DCDC2C: variants seen among roughly 807,000 people sequenced by gnomAD.
DCDC2C encodes the protein doublecortin domain-containing protein 2C.
Under a neutral mutation model 45.0 loss-of-function variants are expected in DCDC2C, and 44 were observed. The observed-to-expected ratio is 0.98, with a 90% CI of 0.77 to 1.26. The LOEUF is 1.26. Ranked by LOEUF, DCDC2C falls within the 50% of genes most tolerant of loss-of-function variation. The pLI, the probability that DCDC2C is intolerant of heterozygous loss-of-function variation, is 0.00. For synonymous variants in DCDC2C, 187 were observed against 178.8 expected, an observed-to-expected ratio of 1.05 and a Z score of -0.37; for missense variants, 447 against 468.9, an observed-to-expected ratio of 0.95 and a Z score of 0.43.
intron 6 of DCDC2C, among the ~76,000 whole-genome samples, chr2:3,759,094 A>T (rs979406456): frequency 2.0e-5 from 3 of 152,294 alleles, no homozygotes; most frequent in Admixed American, 2.0e-4. Flanking sequence ...CAGCACCAAA[A>T]TGTGCAGTTC....
chr2:3,715,915 G>A (rs1668340319), intron 2 of DCDC2C, among the ~76,000 whole-genome samples: 1 of 152,126 alleles, frequency 6.6e-6, no homozygotes, highest in Admixed American at 6.6e-5. Flanking sequence ...TTTGATTTTA[G>A]GATGACCAGG....
chr2:3,763,342 G>A lies in DCDC2C; in HGVS notation c.727-4412G>A, dbSNP rs371341137. Among the ~76,000 whole-genome samples, 31 of 152,256 alleles carry A rather than the reference G, an allele frequency of 2.0e-4. No individual in the cohort carries two copies. In the South Asian group the frequency reaches 3.1e-3, roughly 15 times the overall value. On this transcript the variant is annotated intron_variant, in intron 6 of 10. Transcript: ENST00000399143. ...CACACAGCTGACGTGGTGGGCCCGC[G>A]ACCCAGCGCTGGTGAGCGCGGCTCG...
intron 10 of DCDC2C, among the ~76,000 whole-genome samples, chr2:3,841,257 A>G (rs1386292992): frequency 2.0e-5 from 3 of 152,272 alleles, no homozygotes; most frequent in Admixed American, 6.5e-5. Context: ...TTGCAGGTTG[A>G]GTTCTGAAAG....
At chr2:3,762,018 C>G (rs1348763380) in intron 6 of DCDC2C, among the ~76,000 whole-genome samples, 2 of 152,144 alleles carry the variant, frequency 1.3e-5, no homozygotes, top group East Asian at 3.8e-4. Context: ...CGGTACCTGT[C>G]CCCTTTGTAA....
intron 10 of DCDC2C, among the ~76,000 whole-genome samples, chr2:3,794,138 A>C (rs549106991): frequency 6.6e-6 from 1 of 152,320 alleles, no homozygotes; most frequent in South Asian, 2.1e-4. Flanking sequence ...CCCATGCAGC[A>C]TTTTACAACA....
chr2:3,728,181 C>T (rs746292910), intron 3 of DCDC2C, among the ~76,000 whole-genome samples: 3 of 152,120 alleles, frequency 2.0e-5, no homozygotes, highest in African/African-American at 4.8e-5. Context: ...CTGATTCACC[C>T]GACAGATCCT....
At chr2:3,742,877 T>C (rs1376174899) in intron 4 of DCDC2C, among the ~76,000 whole-genome samples, 1 of 152,186 alleles carries the variant, frequency 6.6e-6, no homozygotes, top group African/African-American at 2.4e-5. Context: ...GGCAAGGGGC[T>C]TGCTGTCTTG....
intron 3 of DCDC2C, among the ~76,000 whole-genome samples, chr2:3,731,947 C>T (rs1668880920): frequency 6.6e-6 from 1 of 152,022 alleles, no homozygotes. Flanking sequence ...TATGATGAGG[C>T]CATTATGAAG....
At position 3,799,065 on chromosome 2, in the gene DCDC2C, T is replaced by C. The variant is rs1208745509; in HGVS notation, c.1065+13965T>C. 3.9e-5 allele frequency among the ~76,000 whole-genome samples: 6 copies of C among 152,140 alleles called. 1 individual carries two copies. Among genetic ancestry groups the C allele is most frequent in the Admixed American group, 1.3e-4 (2 of 15,270 alleles). ...TCGCATATTTCTTGGAGGCTTTGCT[T>C]GTTTCTTTTTATTCTTTTTTCTCTA... On this transcript the variant is annotated intron_variant, in intron 10 of 10. Coordinates refer to ENST00000399143, the MANE Select transcript of DCDC2C (RefSeq NM_001287444.2).
intron 6 of DCDC2C, among the ~76,000 whole-genome samples, chr2:3,755,121 ACATGTGTGTGGAGG>A (rs1215477149): frequency 1.3e-5 from 2 of 151,964 alleles, no homozygotes; most frequent in African/African-American, 2.4e-5. Flanking sequence ...GTGTATAAAT[ACATGTGTGTGGAGG>A]CATGTGTGTG....
rs1215404533 is a variant in DCDC2C at position 3,734,944 on chromosome 2, A to AAG, written c.417-6971_417-6970dup. Among the ~76,000 whole-genome samples the AAG allele has an allele frequency of 1.3e-5, 2 of 152,138 alleles. No individual in the cohort carries two copies. Among genetic ancestry groups the AAG allele is most frequent in the African/African-American group, 4.8e-5 (2 of 41,448 alleles). On this transcript the variant is annotated intron_variant, in intron 3 of 10. Coordinates refer to ENST00000399143, the MANE Select transcript of DCDC2C (RefSeq NM_001287444.2). The surrounding 1 kb of genome is among the most constrained non-coding windows in gnomAD (Gnocchi z 4.2). ...GGGATGACTCCCTTATCGTGGCCTA[A>AAG]AGAGAGGAGGCAATTGGAGAGAAAT...
At chr2:3,768,579 T>A (rs1255965069) in intron 7 of DCDC2C, among the ~76,000 whole-genome samples, 1 of 152,178 alleles carries the variant, frequency 6.6e-6, no homozygotes, top group Non-Finnish European at 1.5e-5. Context: ...GGCTTCTTCT[T>A]TTCTTTTATT....
chr2:3,755,567 CTA>C lies in DCDC2C; in HGVS notation c.726+935_726+936del, dbSNP rs200920062. Among the ~76,000 whole-genome samples the C allele has an allele frequency of 1.5e-3, 230 of 150,494 alleles. 2 individuals are homozygous for C. The highest frequency in any genetic ancestry group is 8.6e-3 in the Admixed American group (130 of 15,140). On this transcript the variant is annotated intron_variant, in intron 6 of 10. Transcript: ENST00000399143. ...TAGGGATGTATGTGTGTGCATATGACTATGTGTGTGTACATATGGATGTATAT... is the reference window on the plus strand; with the variant it reads ...TAGGGATGTATGTGTGTGCATATGACTGTGTGTGTACATATGGATGTATAT...
chr2:3,822,864 G>T (rs1671727075), intron 10 of DCDC2C, among the ~76,000 whole-genome samples: 1 of 151,986 alleles, frequency 6.6e-6, no homozygotes, highest in South Asian at 2.1e-4. Flanking sequence ...GAATCATAAG[G>T]GGTGGGTCTT....
At chr2:3,770,504 A>T (rs1316781694) in intron 8 of DCDC2C, among the ~76,000 whole-genome samples, 1 of 152,186 alleles carries the variant, frequency 6.6e-6, no homozygotes, top group Non-Finnish European at 1.5e-5. Flanking sequence ...AATTTCTAGT[A>T]ATATTATTTT....
intron 10 of DCDC2C, among the ~76,000 whole-genome samples, chr2:3,831,333 C>T (rs13408015): frequency 0.38 from 57,679 of 151,990 alleles, 11,298 homozygotes; most frequent in African/African-American, 0.48. Context: ...CGTCAGAGAG[C>T]GACGTGCACA....
intron 10 of DCDC2C, among the ~76,000 whole-genome samples, chr2:3,809,683 TA>T (rs1671341118): frequency 6.6e-6 from 1 of 152,160 alleles, no homozygotes; most frequent in African/African-American, 2.4e-5. Context: ...GTTACACAGG[TA>T]TACATGTGCC....
At chr2:3,826,345 C>T (rs537628104) in intron 10 of DCDC2C, among the ~76,000 whole-genome samples, 1 of 151,994 alleles carries the variant, frequency 6.6e-6, no homozygotes, top group Non-Finnish European at 1.5e-5. Flanking sequence ...GTTTTAAAAT[C>T]AGTTTATAAA....
intron 10 of DCDC2C, among the ~76,000 whole-genome samples, chr2:3,824,007 C>A (rs1320108387): frequency 6.6e-6 from 1 of 152,206 alleles, no homozygotes; most frequent in Non-Finnish European, 1.5e-5. Flanking sequence ...AACACATGGG[C>A]ATGGCATGTT....
Sources: gnomAD v4.1 joint callset for allele counts (sites outside exome capture counted in the v4.1 genomes callset) on GRCh38, gnomAD v4.1.1 for gene constraint, Gnocchi (gnomAD v3.1) non-coding constraint, MANE v1.5 for transcripts, NCBI Gene and HGNC (gene_info 2026-07-23, HGNC 2026-07-21) for gene names.